The following IPMK variants were observed in gnomAD, a reference collection of about 807,000 sequenced individuals.
IPMK encodes inositol polyphosphate multikinase, also known as inositol 1,3,4,6-tetrakisphosphate 5-kinase.
IPMK carries 17 observed loss-of-function variants against 45.8 expected under a neutral mutation model. The ratio of observed to expected loss-of-function variants is 0.37; its 90% CI spans 0.25 to 0.56. The LOEUF is 0.56. Among genes scored for constraint, IPMK ranks in the 20% least tolerant of loss-of-function variants. The pLI is 0.79. For missense variants in IPMK, 399 were observed against 498.0 expected, an observed-to-expected ratio of 0.80 and a Z score of 1.89; for synonymous variants, 180 against 184.3, an observed-to-expected ratio of 0.98 and a Z score of 0.19.
chr10:58,239,343 A>G (rs1252185349), intron 1 of IPMK, among the ~76,000 whole-genome samples: 1 of 152,146 alleles, frequency 6.6e-6, no homozygotes, highest in East Asian at 1.9e-4. Context: ...CTTTATTCCC[A>G]TGGTTATAAC....
In IPMK at chr10:58,196,609, AC is replaced by A; in HGVS notation, c.717del (p.Trp239CysfsTer30). On this transcript the variant is annotated frameshift_variant, in exon 6 of 6. Coordinates refer to ENST00000373935, the MANE Select transcript of IPMK (RefSeq NM_152230.5). LOFTEE classifies it high-confidence loss of function. The part of the protein sequence containing the change: ...SIQKIEKILQ[W>X]FENQKQLNFY... ...AAATTAAGCTGCTTCTGGTTTTCAA[AC>A]CACTGCAGAATTTTCTCAATCTTCT... The A allele has an allele frequency of 6.2e-7, 1 of 1,614,088 alleles. No homozygotes were observed. Among genetic ancestry groups the A allele is most frequent in the Non-Finnish European group, 8.5e-7 (1 of 1,180,002 alleles).
chr10:58,244,226 G>A lies in IPMK; in HGVS notation c.191-6412C>T, dbSNP rs567897170. 4.0e-5 allele frequency among the ~76,000 whole-genome samples: 6 copies of A among 149,962 alleles called. No individual in the cohort carries two copies. In the South Asian group the frequency reaches 1.3e-3, roughly 32 times the overall value. On this transcript the variant is annotated intron_variant, in intron 1 of 5. Transcript: ENST00000373935. ...GGCCGCCCCACCTGGGAGGTGAGGA[G>A]CGCCTATGCCCGGCTGCCCTTGGTC... is the stretch of plus-strand genomic sequence containing the variant.
chr10:58,267,817 G>A lies in IPMK; in HGVS notation c.-206C>T, dbSNP rs550078586. On this transcript the variant is annotated 5_prime_UTR_variant, in exon 1 of 6. Transcript: ENST00000373935. ...CTCTGCCCAACTCTCGGCGGAACGC[G>A]GCTCCCGGCTCCTGTTCCTCTGCCG... is the stretch of plus-strand genomic sequence containing the variant. The A allele has an allele frequency of 3.9e-6, 2 of 506,452 alleles. No homozygotes were observed. Among genetic ancestry groups the A allele is most frequent in the South Asian group, 2.7e-5 (1 of 36,748 alleles). The allele number at this position is 506,452 out of a possible 1,614,324, so 31.4% of individuals were successfully genotyped here. A position where few individuals can be genotyped will look rare whatever the true frequency, so the allele number is the denominator to read the frequency against.
chr10:58,265,434 A>C (rs943578982), intron 1 of IPMK, among the ~76,000 whole-genome samples: 2 of 152,216 alleles, frequency 1.3e-5, no homozygotes, highest in African/African-American at 4.8e-5. Context: ...GACTTATGAC[A>C]GTGGAGAAAC....
In IPMK at chr10:58,203,036, C is replaced by A. The variant is rs555720990; in HGVS notation, c.547-3715G>T. On this transcript the variant is annotated intron_variant, in intron 4 of 5. Coordinates refer to ENST00000373935, the MANE Select transcript of IPMK (RefSeq NM_152230.5). ...GGACTGGGGCAATGTAAATTGAAAA[C>A]CTTTTGGAAAGAATTCACCATTCTA... 2.2e-4 allele frequency among the ~76,000 whole-genome samples: 34 copies of A among 152,146 alleles called. No individual in the cohort carries two copies. The South Asian group carries it at 6.8e-3, about 31-fold the overall frequency.
intron 2 of IPMK, among the ~76,000 whole-genome samples, chr10:58,229,041 A>T (rs143392577): frequency 4.5e-4 from 68 of 152,268 alleles, no homozygotes; most frequent in African/African-American, 1.6e-3. Flanking sequence ...TGAAACATGG[A>T]GAGTAAATAA....
In IPMK at chr10:58,197,817, G is replaced by T. The variant is rs546176850; in HGVS notation, c.629-1119C>A. Among the ~76,000 whole-genome samples, 335 of 152,250 alleles carry T rather than the reference G, an allele frequency of 2.2e-3. 2 individuals carry two copies. The highest frequency in any genetic ancestry group is 7.6e-3 in the African/African-American group (317 of 41,562). On this transcript the variant is annotated intron_variant, in intron 5 of 5. Transcript: ENST00000373935. ...GGAGGCAGAGGCGGGTGGATCACCT[G>T]AAGTCAGGAATTCAAGACCAGCCTG...
intron 1 of IPMK, among the ~76,000 whole-genome samples, chr10:58,250,331 T>C (rs1421371690): frequency 2.6e-5 from 4 of 152,262 alleles, no homozygotes; most frequent in Admixed American, 6.5e-5. Context: ...TCATATTGTG[T>C]GTCTTCTTCA....
intron 4 of IPMK, among the ~76,000 whole-genome samples, chr10:58,215,769 T>A (rs1740139760): frequency 6.6e-6 from 1 of 152,180 alleles, no homozygotes; most frequent in African/African-American, 2.4e-5. Context: ...AATGACTGAA[T>A]ATATATATTT....
intron 1 of IPMK, among the ~76,000 whole-genome samples, chr10:58,263,190 A>G (rs539523705): frequency 6.6e-6 from 1 of 152,226 alleles, no homozygotes; most frequent in South Asian, 2.1e-4. Flanking sequence ...GTTCAAGACC[A>G]GCCTGGGCAA....
chr10:58,228,311 C>G (rs1181775975), intron 2 of IPMK, among the ~76,000 whole-genome samples: 1 of 151,794 alleles, frequency 6.6e-6, no homozygotes, highest in Non-Finnish European at 1.5e-5. Flanking sequence ...ATATATATAG[C>G]AGGTCTATGA....
chr10:58,194,570 T>C lies in IPMK; in HGVS notation c.*1506A>G, dbSNP rs1837864337. 1 of 151,920 alleles carries C rather than the reference T, an allele frequency of 6.6e-6. No homozygotes were observed. Among genetic ancestry groups the C allele is most frequent in the Non-Finnish European group, 1.5e-5 (1 of 67,812 alleles). 9.4% of individuals were successfully genotyped at this position (151,920 alleles called of 1,614,324 possible). A position where few individuals can be genotyped will look rare whatever the true frequency, so the allele number is the denominator to read the frequency against. ...TGTTTGGACTCAGGTATTTGCAAAG[T>C]GCCCTCAGAGAAGGCTGAGAAGGTA... On this transcript the variant is annotated 3_prime_UTR_variant, in exon 6 of 6. Transcript: ENST00000373935.
chr10:58,233,906 T>A (rs1487228166), intron 2 of IPMK, among the ~76,000 whole-genome samples: 1 of 152,210 alleles, frequency 6.6e-6, no homozygotes, highest in South Asian at 2.1e-4. Flanking sequence ...CATGATTGTA[T>A]ATTTAGAAAA....
At chr10:58,248,341 T>A (rs975858454) in intron 1 of IPMK, among the ~76,000 whole-genome samples, 2 of 152,110 alleles carry the variant, frequency 1.3e-5, no homozygotes, top group Admixed American at 1.3e-4. Flanking sequence ...ATTAAAAATG[T>A]TGTATATTCA....
At chr10:58,264,612 T>A (rs1839121387) in intron 1 of IPMK, among the ~76,000 whole-genome samples, 2 of 152,142 alleles carry the variant, frequency 1.3e-5, no homozygotes, top group Non-Finnish European at 2.9e-5. Flanking sequence ...CCTACAGAGA[T>A]AGGTACACAA....
At chr10:58,214,217 G>T (rs1035003547) in intron 4 of IPMK, among the ~76,000 whole-genome samples, 2 of 151,810 alleles carry the variant, frequency 1.3e-5, no homozygotes, top group Non-Finnish European at 3.0e-5. Flanking sequence ...TTCAGAGGGC[G>T]TACAGAGGAA....
intron 1 of IPMK, among the ~76,000 whole-genome samples, chr10:58,254,489 C>T (rs1297315527): frequency 4.6e-5 from 6 of 130,558 alleles, no homozygotes; most frequent in Non-Finnish European, 9.3e-5. Flanking sequence ...ATTCCCTGAA[C>T]TTCTTCAAAA....
intron 1 of IPMK, among the ~76,000 whole-genome samples, chr10:58,255,563 A>G (rs957667416): frequency 1.3e-5 from 2 of 152,018 alleles, no homozygotes; most frequent in Non-Finnish European, 2.9e-5. Flanking sequence ...AATGGTTTCT[A>G]ATTGTATTTT....
At chr10:58,260,381 T>C (rs547863781) in intron 1 of IPMK, among the ~76,000 whole-genome samples, 149 of 152,346 alleles carry the variant, frequency 9.8e-4, no homozygotes, top group African/African-American at 3.5e-3. Flanking sequence ...ATTGGAATAA[T>C]GGCAAAAGCC....
Sources: gnomAD v4.1 joint callset for allele counts (sites outside exome capture counted in the v4.1 genomes callset) on GRCh38, gnomAD v4.1.1 for gene constraint, MANE v1.5 for transcripts, NCBI Gene and HGNC (gene_info 2026-07-23, HGNC 2026-07-21) for gene names.